Variants in USP10 observed in about 807,000 individuals in gnomAD.
The protein encoded by USP10 is ubiquitin carboxyl-terminal hydrolase 10.
A neutral mutation model predicts 84.5 loss-of-function variants in USP10; 22 were observed. That is an observed-to-expected ratio of 0.26 (90% CI 0.19 to 0.37). The LOEUF is 0.37. Ranked by LOEUF, USP10 falls within the 10% of genes least tolerant of loss-of-function variation. USP10 has a pLI of 1.00. For synonymous variants in USP10, 454 were observed against 387.6 expected, an observed-to-expected ratio of 1.17 and a Z score of -2.01; for missense variants, 1,019 against 998.9, an observed-to-expected ratio of 1.02 and a Z score of -0.27.
intron 13 of USP10, among the ~76,000 whole-genome samples, chr16:84,775,484 G>T (rs1914908995): frequency 6.6e-6 from 1 of 152,226 alleles, no homozygotes; most frequent in Non-Finnish European, 1.5e-5. Context: ...AGAGGAGGGA[G>T]TTTCAGGCTC....
At chr16:84,701,147 C>A (rs1904812001) in intron 1 of USP10, among the ~76,000 whole-genome samples, 1 of 152,100 alleles carries the variant, frequency 6.6e-6, no homozygotes, top group Non-Finnish European at 1.5e-5. Flanking sequence ...GGTTTTGTTG[C>A]CCTTCTGCAG....
intron 1 of USP10, among the ~76,000 whole-genome samples, chr16:84,730,945 A>G (rs1016047760): frequency 2.7e-5 from 4 of 150,936 alleles, no homozygotes; most frequent in African/African-American, 9.8e-5. Context: ...ATAAGATAAA[A>G]TGGATAACTT....
At chr16:84,718,896 G>T (rs145229232) in intron 1 of USP10, among the ~76,000 whole-genome samples, 3,252 of 151,898 alleles carry the variant, frequency 0.021, 40 homozygotes, top group Non-Finnish European at 0.032. Flanking sequence ...GGGTTCAAGC[G>T]ATTCTCCTGC....
intron 2 of USP10, among the ~76,000 whole-genome samples, chr16:84,738,323 T>C (rs541383367): frequency 2.0e-5 from 3 of 152,206 alleles, no homozygotes; most frequent in African/African-American, 4.8e-5. Flanking sequence ...AATAGAGTGA[T>C]TCAAAACACT....
intron 1 of USP10, among the ~76,000 whole-genome samples, chr16:84,731,169 C>T (rs1022834720): frequency 3.3e-5 from 5 of 151,530 alleles, no homozygotes; most frequent in East Asian, 3.9e-4. Flanking sequence ...TTAGTAGAGA[C>T]GGGGTTTCAC....
In USP10 at chr16:84,700,010, G is replaced by T. The variant is rs944783245; in HGVS notation, c.-81G>T. Reference sequence around the variant, plus strand: ...CGCGGCGGCCGATGCGAGTGTGTATGTGCGGGCGAGAAGATGGCGGCGGCG... The same window carrying T: ...CGCGGCGGCCGATGCGAGTGTGTATTTGCGGGCGAGAAGATGGCGGCGGCG... On this transcript the variant is annotated 5_prime_UTR_variant, in exon 1 of 14. The change abolishes an upstream ATG in the 5' untranslated region. Transcript: ENST00000219473. The T allele has an allele frequency of 1.5e-6, 2 of 1,293,022 alleles. No homozygotes were observed. Among genetic ancestry groups the T allele is most frequent in the African/African-American group, 1.6e-5 (1 of 63,100 alleles). The allele number at this position is 1,293,022 out of a possible 1,614,324, so 80.1% of individuals were successfully genotyped here.
intron 1 of USP10, among the ~76,000 whole-genome samples, chr16:84,705,634 TC>T: frequency 6.6e-6 from 1 of 152,184 alleles, no homozygotes; most frequent in East Asian, 1.9e-4. Flanking sequence ...ATTTTTGTTT[TC>T]CCATTTGTCT....
intron 11 of USP10, among the ~76,000 whole-genome samples, chr16:84,771,273 T>C (rs1398472794): frequency 6.6e-6 from 1 of 152,172 alleles, no homozygotes. Flanking sequence ...TTAAAGGTTA[T>C]TTAAAACATC....
At chr16:84,751,324 C>A (rs1044246973) in intron 4 of USP10, among the ~76,000 whole-genome samples, 1 of 152,178 alleles carries the variant, frequency 6.6e-6, no homozygotes, top group Admixed American at 6.5e-5. Context: ...GGCTGTGTAT[C>A]CTAAAACTGA....
chr16:84,775,200 C>T lies in USP10; in HGVS notation c.2184C>T (p.Cys728=), dbSNP rs1466266611. 1 of 1,613,726 alleles carries T rather than the reference C, an allele frequency of 6.2e-7. No individual in the cohort carries two copies. Among genetic ancestry groups the T allele is most frequent in the South Asian group, 1.1e-5 (1 of 91,084 alleles). Residue 728 remains cysteine (C), a synonymous_variant, in exon 13 of 14, where the codon TGC becomes TGT. Transcript: ENST00000219473. ...SPGVKNKNFK[C]HRTYRLFAVV... is the part of the protein sequence containing the mutation. Reference sequence around the variant, plus strand: ...GGGTTAAAAATAAGAATTTTAAATGCCACCGAACCTATCGGCTCTTTGCAG... The same window carrying T: ...GGGTTAAAAATAAGAATTTTAAATGTCACCGAACCTATCGGCTCTTTGCAG...
chr16:84,744,458 TA>T (rs1468275069), intron 3 of USP10, among the ~76,000 whole-genome samples, 174 bp from the exon 4 acceptor site: 1 of 152,234 alleles, frequency 6.6e-6, no homozygotes, highest in Non-Finnish European at 1.5e-5. Flanking sequence ...AATTAAATAA[TA>T]ATTTTATAGT....
chr16:84,710,269 G>GAAA (rs570292528), intron 1 of USP10, among the ~76,000 whole-genome samples: 3 of 125,598 alleles, frequency 2.4e-5, no homozygotes, highest in African/African-American at 5.9e-5. Flanking sequence ...CTCCATCTCG[G>GAAA]AAAAAAAAAA....
At chr16:84,733,555 T>TA in intron 2 of USP10, 52 bp downstream of exon 2, 2 of 1,243,352 alleles carry the variant, frequency 1.6e-6, no homozygotes, top group Non-Finnish European at 2.3e-6. Flanking sequence ...AATTAATAGT[T>TA]ATGTTTCTAT....
chr16:84,732,312 C>G (rs531312530), intron 1 of USP10, among the ~76,000 whole-genome samples: 1 of 152,310 alleles, frequency 6.6e-6, no homozygotes, highest in African/African-American at 2.4e-5. Flanking sequence ...CCACACTCTG[C>G]TTACCATTTT....
chr16:84,734,454 C>T lies in USP10; in HGVS notation c.90+951C>T, dbSNP rs1443509636. ...TGCTGTGAATTACTTGGTTTATATC[C>T]CTTGTCCATATTTTTAAATCAAGTA... On this transcript the variant is annotated intron_variant, in intron 2 of 13. Transcript: ENST00000219473. 2.6e-5 allele frequency among the ~76,000 whole-genome samples: 4 copies of T among 152,104 alleles called. No individual in the cohort carries two copies. The East Asian group carries it at 7.7e-4, about 29-fold the overall frequency.
chr16:84,721,533 T>C (rs1477362274), intron 1 of USP10, among the ~76,000 whole-genome samples: 3 of 152,220 alleles, frequency 2.0e-5, no homozygotes, highest in Non-Finnish European at 4.4e-5. Flanking sequence ...CGAGGTTTTT[T>C]GTCTTTGTTT....
intron 10 of USP10, among the ~76,000 whole-genome samples, chr16:84,766,044 C>G (rs1913823088): frequency 6.6e-6 from 1 of 152,054 alleles, no homozygotes; most frequent in Non-Finnish European, 1.5e-5. Flanking sequence ...CAGTGACACT[C>G]TTAGTCTGTT....
At chr16:84,738,164 T>G (rs574741379) in intron 2 of USP10, among the ~76,000 whole-genome samples, 1 of 152,284 alleles carries the variant, frequency 6.6e-6, no homozygotes, top group Non-Finnish European at 1.5e-5. Flanking sequence ...CTGCAGTCTC[T>G]CGGGTCTGGA....
intron 10 of USP10, among the ~76,000 whole-genome samples, 191 bp from the exon 11 acceptor site, chr16:84,768,002 A>C (rs181475747): frequency 3.6e-4 from 55 of 152,288 alleles, no homozygotes; most frequent in African/African-American, 8.9e-4. Flanking sequence ...GCTGCCTTCA[A>C]GCATCTGTTT....
Sources: gnomAD v4.1 joint callset for allele counts (sites outside exome capture counted in the v4.1 genomes callset) on GRCh38, gnomAD v4.1.1 for gene constraint, MANE v1.5 for transcripts, NCBI Gene and HGNC (gene_info 2026-07-23, HGNC 2026-07-21) for gene names.